CROT: variants seen among roughly 807,000 people sequenced by gnomAD.
CROT encodes the protein peroxisomal carnitine O-octanoyltransferase.
CROT carries 84 observed loss-of-function variants against 89.2 expected under a neutral mutation model. That is an observed-to-expected ratio of 0.94 (90% CI 0.79 to 1.13). The LOEUF (loss-of-function observed/expected upper bound fraction) is 1.13, where lower values mean the gene tolerates loss of function less well. CROT is among the 50% of genes most tolerant of loss of function. The pLI is 0.00. For synonymous variants in CROT, 212 were observed against 239.5 expected, an observed-to-expected ratio of 0.89 and a Z score of 1.06; for missense variants, 711 against 727.8, an observed-to-expected ratio of 0.98 and a Z score of 0.27.
At position 87,382,538 on chromosome 7, in the gene CROT, T is replaced by C. The variant is rs1427584776; in HGVS notation, c.1296T>C (p.His432=). The change falls in exon 13 of 18, where the codon CAT becomes CAC. Residue 432 remains histidine, a synonymous_variant. Transcript: ENST00000331536. The stretch of plus-strand genomic sequence containing the variant: ...TTCAGCTGGCCTATTACAGACTTCA[T>C]GGACAGTAAGGACCATTCAGTTTCT... ...LALQLAYYRL[H]GHPGCCYETA... 5.6e-6 allele frequency: 9 copies of C among 1,613,228 alleles called. No homozygotes were observed. The East Asian group carries it at 1.1e-4, about 20-fold the overall frequency.
chr7:87,397,835 T>C (rs1473541764), intron 17 of CROT, among the ~76,000 whole-genome samples: 1 of 152,234 alleles, frequency 6.6e-6, no homozygotes, highest in Admixed American at 6.5e-5. Flanking sequence ...TTGCATGGTT[T>C]TCCAGAAGCA....
intron 10 of CROT, among the ~76,000 whole-genome samples, chr7:87,380,511 A>G (rs997751866): frequency 1.3e-5 from 2 of 149,340 alleles, no homozygotes; most frequent in Admixed American, 6.7e-5. Flanking sequence ...CTTTTTTACT[A>G]TTGCCCAGCT....
intron 12 of CROT, 34 bp downstream of exon 12, chr7:87,382,215 AT>A (rs756701817): frequency 6.5e-7 from 1 of 1,539,536 alleles, no homozygotes; most frequent in African/African-American, 1.4e-5. Flanking sequence ...AATAATAATG[AT>A]TTTTTCTTTT....
chr7:87,380,087 G>A (rs2115997226), intron 10 of CROT, among the ~76,000 whole-genome samples: 1 of 152,140 alleles, frequency 6.6e-6, no homozygotes, highest in African/African-American at 2.4e-5. Context: ...CTCCCACCCA[G>A]GCAACAGAAC....
At chr7:87,366,927 A>C (rs1032238084) in intron 6 of CROT, among the ~76,000 whole-genome samples, 3 of 152,174 alleles carry the variant, frequency 2.0e-5, no homozygotes, top group African/African-American at 7.2e-5. Flanking sequence ...TTATTCTTTC[A>C]CTTCCAGAGA....
chr7:87,361,504 G>A lies in CROT; in HGVS notation c.355G>A (p.Gly119Arg). 1.9e-6 allele frequency: 3 copies of A among 1,612,752 alleles called. No homozygotes were observed. Among genetic ancestry groups the A allele is most frequent in the Non-Finnish European group, 2.5e-6 (3 of 1,179,728 alleles). ...HFEHYWPPKE[G>R]TQLERGSITL... ...TGAACACTACTGGCCTCCAAAGGAA[G>A]GGACTCAATTAGAAAGAGGAAGTAT... is the stretch of plus-strand genomic sequence containing the variant. Residue 119 changes from glycine to arginine, a missense_variant, in exon 5 of 18, where the codon GGG becomes AGG. Coordinates refer to ENST00000331536, the MANE Select transcript of CROT (RefSeq NM_021151.4).
chr7:87,355,576 C>G (rs140123710), intron 3 of CROT, among the ~76,000 whole-genome samples: 281 of 151,206 alleles, frequency 1.9e-3, no homozygotes, highest in African/African-American at 6.6e-3. Flanking sequence ...TTAAATAACC[C>G]AAAGAATGAA....
At position 87,398,663 on chromosome 7, in the gene CROT, G is replaced by T. The variant is rs182372140; in HGVS notation, c.*19G>T. ...TCTTTAGAGATGAATCATCTATTAA[G>T]CACTTACCAAAACATATCATTAAAC... On this transcript the variant is annotated 3_prime_UTR_variant, in exon 18 of 18. Transcript: ENST00000331536. The T allele has an allele frequency of 1.3e-5, 21 of 1,609,952 alleles. No individual in the cohort carries two copies. The Admixed American group carries it at 2.8e-4, about 22-fold the overall frequency.
chr7:87,348,156 T>G (rs1215970687), intron 2 of CROT, among the ~76,000 whole-genome samples: 1 of 152,092 alleles, frequency 6.6e-6, no homozygotes, highest in Non-Finnish European at 1.5e-5. Flanking sequence ...TAACGTTCTT[T>G]GATTTCTCAG....
At chr7:87,371,213 G>A (rs543493944) in intron 7 of CROT, among the ~76,000 whole-genome samples, 3 of 152,032 alleles carry the variant, frequency 2.0e-5, no homozygotes, top group Admixed American at 2.0e-4. Flanking sequence ...TGACTTTTAC[G>A]TTTGTATTTA....
rs916197132 is a variant in CROT at position 87,392,998 on chromosome 7, G to A, written c.1649G>A (p.Arg550Gln). Residue 550 changes from arginine (R) to glutamine (Q), a missense_variant, in exon 17 of 18, where the codon CGA becomes CAA. Transcript: ENST00000331536. Reference sequence around the variant, plus strand: ...TCAACAAGTCTGGTTGGCTATTTACGAGTCCAGGGAGTGGTAGTTCCCATG... The same window carrying A: ...TCAACAAGTCTGGTTGGCTATTTACAAGTCCAGGGAGTGGTAGTTCCCATG... ...VLSTSLVGYL[R>Q]VQGVVVPMVH... The A allele has an allele frequency of 1.9e-6, 3 of 1,613,616 alleles. No homozygotes were observed. Among genetic ancestry groups the A allele is most frequent in the Non-Finnish European group, 2.5e-6 (3 of 1,179,666 alleles).
chr7:87,397,369 T>C (rs1002396928), intron 17 of CROT, among the ~76,000 whole-genome samples: 1 of 152,078 alleles, frequency 6.6e-6, no homozygotes. Flanking sequence ...AAAAAGTATT[T>C]ACTCATTTGA....
intron 3 of CROT, among the ~76,000 whole-genome samples, chr7:87,356,000 T>C (rs1349045146): frequency 6.6e-6 from 1 of 152,134 alleles, no homozygotes; most frequent in Non-Finnish European, 1.5e-5. Flanking sequence ...TTTATTTTTC[T>C]GAGATGAGAT....
intron 13 of CROT, among the ~76,000 whole-genome samples, chr7:87,384,252 A>ATGG (rs1807119357): frequency 6.6e-6 from 1 of 151,864 alleles, no homozygotes; most frequent in Non-Finnish European, 1.5e-5. Flanking sequence ...ATCATTTGTC[A>ATGG]CTGGGCGCAT....
intron 4 of CROT, among the ~76,000 whole-genome samples, chr7:87,361,178 G>T (rs1379816465): frequency 6.6e-6 from 1 of 151,676 alleles, no homozygotes; most frequent in Non-Finnish European, 1.5e-5. Context: ...GCCCAGGCTG[G>T]CCTCTAGGTC....
At chr7:87,382,369 C>T (rs768736118) in intron 12 of CROT, 44 bp from the exon 13 acceptor site, 2 of 1,596,464 alleles carry the variant, frequency 1.3e-6, no homozygotes, top group African/African-American at 1.3e-5. Flanking sequence ...GGTGTATTCT[C>T]CTTAGGTGAT....
chr7:87,360,353 T>A (rs1806228810), intron 4 of CROT, among the ~76,000 whole-genome samples: 1 of 152,238 alleles, frequency 6.6e-6, no homozygotes, highest in South Asian at 2.1e-4. Flanking sequence ...ATTTATTTAT[T>A]TTTTGGAGAC....
chr7:87,370,717 C>T (rs1239402635), intron 7 of CROT, among the ~76,000 whole-genome samples: 1 of 152,180 alleles, frequency 6.6e-6, no homozygotes, highest in Non-Finnish European at 1.5e-5. Context: ...CAGACTTTCA[C>T]TCCTTCCCAG....
At chr7:87,363,141 G>A (rs1356052628) in intron 6 of CROT, among the ~76,000 whole-genome samples, 1 of 152,140 alleles carries the variant, frequency 6.6e-6, no homozygotes, top group East Asian at 1.9e-4. Flanking sequence ...CGCTTAGTAG[G>A]TATATCCTTA....
Sources: gnomAD v4.1 joint callset for allele counts (sites outside exome capture counted in the v4.1 genomes callset) on GRCh38, gnomAD v4.1.1 for gene constraint, MANE v1.5 for transcripts, NCBI Gene and HGNC (gene_info 2026-07-23, HGNC 2026-07-21) for gene names.